FHIT: variants seen among roughly 807,000 people sequenced by gnomAD.
FHIT encodes the protein bis(5'-adenosyl)-triphosphatase.
A neutral mutation model predicts 17.9 loss-of-function variants in FHIT; 19 were observed. That is an observed-to-expected ratio of 1.06 (90% CI 0.74 to 1.56). The LOEUF (loss-of-function observed/expected upper bound fraction) is 1.56. Among genes scored for constraint, FHIT ranks in the 40% most tolerant of loss-of-function variants. FHIT has a pLI of 0.00. For synonymous variants in FHIT, 81 were observed against 69.7 expected, an observed-to-expected ratio of 1.16 and a Z score of -0.81; for missense variants, 248 against 189.2, an observed-to-expected ratio of 1.31 and a Z score of -1.82.
chr3:61,217,290 A>T (rs1560087176), intron 1 of FHIT, among the ~76,000 whole-genome samples: 1 of 152,198 alleles, frequency 6.6e-6, no homozygotes, highest in Non-Finnish European at 1.5e-5. Flanking sequence ...CTTGAAAGTT[A>T]GGGGCTGGAA....
At chr3:60,834,188 C>T (rs143454037) in intron 3 of FHIT, among the ~76,000 whole-genome samples, 102 of 152,272 alleles carry the variant, frequency 6.7e-4, no homozygotes, top group African/African-American at 2.4e-3. Flanking sequence ...TAAGAAACTG[C>T]CAAACCATTT....
intron 3 of FHIT, among the ~76,000 whole-genome samples, chr3:60,942,957 T>C (rs1170962837): frequency 6.6e-6 from 1 of 152,172 alleles, no homozygotes; most frequent in Non-Finnish European, 1.5e-5. Flanking sequence ...AGTTTCCAAA[T>C]GTATAAAGTT....
At chr3:60,963,735 C>A (rs551380458) in intron 3 of FHIT, among the ~76,000 whole-genome samples, 1 of 151,646 alleles carries the variant, frequency 6.6e-6, no homozygotes, top group Non-Finnish European at 1.5e-5. Context: ...TGCATTTGAG[C>A]GGTTTTTGAA....
intron 4 of FHIT, among the ~76,000 whole-genome samples, chr3:60,667,816 A>T (rs1397278733): frequency 1.3e-5 from 2 of 151,948 alleles, no homozygotes; most frequent in Non-Finnish European, 2.9e-5. Flanking sequence ...CTCCAGTGGC[A>T]CTCTAATTTT....
In FHIT at chr3:61,038,468, A is replaced by G. The variant is rs571850438; in HGVS notation, c.-111+3579T>C. ...GTTAAGAGACTTAAGGAACATATGTAATATAATGTTTGAATTTGTTTGAAT... is the reference window on the plus strand; with the variant it reads ...GTTAAGAGACTTAAGGAACATATGTGATATAATGTTTGAATTTGTTTGAAT... On this transcript the variant is annotated intron_variant, in intron 3 of 9. Coordinates refer to ENST00000492590, the MANE Select transcript of FHIT (RefSeq NM_002012.4). Among the ~76,000 whole-genome samples, 4 of 152,352 alleles carry G rather than the reference A, an allele frequency of 2.6e-5. No homozygotes were observed. In the East Asian group the frequency reaches 7.7e-4, roughly 29 times the overall value.
intron 4 of FHIT, among the ~76,000 whole-genome samples, chr3:60,644,272 GC>G (rs2039798943): frequency 6.6e-6 from 1 of 152,008 alleles, no homozygotes. Flanking sequence ...ATAGGTGTTT[GC>G]CCCACAATAT....
chr3:60,998,847 T>G (rs2030860733), intron 3 of FHIT, among the ~76,000 whole-genome samples: 1 of 151,856 alleles, frequency 6.6e-6, no homozygotes, highest in East Asian at 1.9e-4. Context: ...GAAGGTAGAC[T>G]TATTTAAGTT....
intron 3 of FHIT, among the ~76,000 whole-genome samples, chr3:60,904,755 G>T (rs1575668618): frequency 6.6e-6 from 1 of 151,632 alleles, no homozygotes; most frequent in Non-Finnish European, 1.5e-5. Flanking sequence ...GCCTGGCCAA[G>T]ATGGTGAAAC....
chr3:59,786,365 C>A (rs1002608037), intron 8 of FHIT, among the ~76,000 whole-genome samples: 8 of 152,204 alleles, frequency 5.3e-5, no homozygotes, highest in Non-Finnish European at 1.2e-4. Context: ...CCTCCTCTTT[C>A]TTTCTACCTG....
rs1491358722 is a variant in FHIT at position 60,860,708 on chromosome 3, TAC to T, written c.-110-38699_-110-38698del. On this transcript the variant is annotated intron_variant, in intron 3 of 9. Coordinates refer to ENST00000492590, the MANE Select transcript of FHIT (RefSeq NM_002012.4). ...TATATCAGGTATATATGTACATATG[TAC>T]ATATATATCAGGTATATATGTACAT... Among the ~76,000 whole-genome samples, 167 of 112,686 alleles carry T rather than the reference TAC, an allele frequency of 1.5e-3. 11 individuals are homozygous for T. Among genetic ancestry groups the T allele is most frequent in the Non-Finnish European group, 2.8e-3 (144 of 51,218 alleles). 73.9% of individuals were successfully genotyped at this position (112,686 alleles called of 152,430 possible).
intron 5 of FHIT, among the ~76,000 whole-genome samples, chr3:60,462,711 G>A (rs1252222288): frequency 1.3e-5 from 2 of 152,126 alleles, no homozygotes; most frequent in African/African-American, 4.8e-5. Context: ...AGGAGGTTAT[G>A]GCCCCAGGCG....
At chr3:60,205,164 A>T (rs908582243) in intron 5 of FHIT, among the ~76,000 whole-genome samples, 2 of 152,138 alleles carry the variant, frequency 1.3e-5, no homozygotes, top group African/African-American at 4.8e-5. Flanking sequence ...CAAAGGCTGG[A>T]TCCCACCAGC....
At chr3:60,652,909 C>CA (rs1282577056) in intron 4 of FHIT, among the ~76,000 whole-genome samples, 9 of 139,140 alleles carry the variant, frequency 6.5e-5, no homozygotes, top group East Asian at 2.4e-4. Flanking sequence ...AAGTTCATCT[C>CA]AAACAAAACA....
intron 3 of FHIT, among the ~76,000 whole-genome samples, chr3:61,011,404 A>T (rs2031780442): frequency 6.6e-6 from 1 of 152,152 alleles, no homozygotes; most frequent in Admixed American, 6.6e-5. Context: ...GCCCTCATAA[A>T]TTCTTGATGA....
chr3:60,423,978 T>G (rs1331884683), intron 5 of FHIT, among the ~76,000 whole-genome samples: 1 of 152,200 alleles, frequency 6.6e-6, no homozygotes, highest in African/African-American at 2.4e-5. Context: ...TACTTCTTTC[T>G]GCTTTTATCC....
chr3:60,049,823 G>A (rs915008919), intron 5 of FHIT, among the ~76,000 whole-genome samples: 1 of 152,042 alleles, frequency 6.6e-6, no homozygotes, highest in African/African-American at 2.4e-5. Context: ...ACTACTACAA[G>A]TATTCTATAA....
At chr3:60,774,983 T>A (rs1414718948) in intron 4 of FHIT, among the ~76,000 whole-genome samples, 2 of 152,216 alleles carry the variant, frequency 1.3e-5, no homozygotes, top group Non-Finnish European at 2.9e-5. Flanking sequence ...AAACAGCAGA[T>A]AATGGGGAAC....
chr3:60,176,034 T>A (rs970908106), intron 5 of FHIT, among the ~76,000 whole-genome samples: 2 of 152,180 alleles, frequency 1.3e-5, no homozygotes, highest in African/African-American at 4.8e-5. Context: ...ATCATTGAGT[T>A]AATTAAACTC....
chr3:59,874,943 G>GA (rs1033631653), intron 8 of FHIT, among the ~76,000 whole-genome samples: 2 of 152,156 alleles, frequency 1.3e-5, no homozygotes, highest in African/African-American at 4.8e-5. Context: ...AAGCCAAAGG[G>GA]AAAATCAAGA....
Sources: allele counts gnomAD v4.1 joint callset (sites outside exome capture counted in the v4.1 genomes callset), GRCh38; gene constraint gnomAD v4.1.1; transcripts MANE v1.5; gene names NCBI Gene and HGNC (gene_info 2026-07-23, HGNC 2026-07-21).